PRIMPOL: variants seen among roughly 807,000 people sequenced by gnomAD.
The protein encoded by PRIMPOL is DNA-directed primase/polymerase protein.
A neutral mutation model predicts 63.6 loss-of-function variants in PRIMPOL; 54 were observed. That is an observed-to-expected ratio of 0.85 (90% CI 0.68 to 1.07). The LOEUF (loss-of-function observed/expected upper bound fraction) is 1.07. Ranked by LOEUF, PRIMPOL falls within the 50% of genes least tolerant of loss-of-function variation. The pLI, the probability that PRIMPOL is intolerant of heterozygous loss-of-function variation, is 0.00. For synonymous variants in PRIMPOL, 197 were observed against 220.2 expected, an observed-to-expected ratio of 0.89 and a Z score of 0.93; for missense variants, 610 against 648.3, an observed-to-expected ratio of 0.94 and a Z score of 0.64.
intron 11 of PRIMPOL, among the ~76,000 whole-genome samples, chr4:184,689,657 T>C (rs1757968677): frequency 6.6e-6 from 1 of 151,856 alleles, no homozygotes; most frequent in Admixed American, 6.6e-5. Context: ...GGTTTCACCA[T>C]GTTGGCCAGG....
At chr4:184,692,597 T>C (rs1355364126) in intron 13 of PRIMPOL, among the ~76,000 whole-genome samples, 1 of 151,908 alleles carries the variant, frequency 6.6e-6, no homozygotes, top group Non-Finnish European at 1.5e-5. Context: ...GGCACGTACC[T>C]TCGAGAATTT....
intron 8 of PRIMPOL, among the ~76,000 whole-genome samples, chr4:184,680,192 A>G (rs1437930231): frequency 5.2e-5 from 2 of 38,208 alleles, no homozygotes; most frequent in South Asian, 1.9e-3. Context: ...GCCTTTCTAA[A>G]TATAATTTTT....
intron 2 of PRIMPOL, among the ~76,000 whole-genome samples, chr4:184,655,375 G>T (rs1408378377): frequency 6.8e-6 from 1 of 147,738 alleles, no homozygotes; most frequent in Non-Finnish European, 1.5e-5. Context: ...CCAGGCTGGA[G>T]TGCAGTGGTG....
At chr4:184,683,205 C>T (rs1237329848) in intron 9 of PRIMPOL, among the ~76,000 whole-genome samples, 2 of 152,148 alleles carry the variant, frequency 1.3e-5, no homozygotes, top group Non-Finnish European at 2.9e-5. Context: ...CTGAGTCGGG[C>T]AGATAACCTG....
intron 1 of PRIMPOL, among the ~76,000 whole-genome samples, chr4:184,650,473 C>G (rs1245877914): frequency 2.9e-5 from 4 of 139,880 alleles, no homozygotes; most frequent in African/African-American, 7.7e-5. Flanking sequence ...TGTGTCCTTA[C>G]CTGGCTGGAT....
intron 11 of PRIMPOL, among the ~76,000 whole-genome samples, chr4:184,687,346 C>T (rs1019295940): frequency 3.3e-5 from 5 of 152,130 alleles, no homozygotes; most frequent in African/African-American, 1.2e-4. Flanking sequence ...GCTGGGATTA[C>T]AGGTGTGAGC....
chr4:184,650,790 G>C (rs1311126455), intron 1 of PRIMPOL, among the ~76,000 whole-genome samples: 1 of 152,202 alleles, frequency 6.6e-6, no homozygotes, highest in Non-Finnish European at 1.5e-5. Context: ...GGCAGAGCCT[G>C]TTTCTAACAC....
Position 184,694,513 on chromosome 4 carries a change from G to A in PRIMPOL, c.1426-9G>A. 2 of 1,608,514 alleles carry A rather than the reference G, an allele frequency of 1.2e-6. No individual in the cohort carries two copies. The highest frequency in any genetic ancestry group is 1.7e-6 in the Non-Finnish European group (2 of 1,175,964). On this transcript the variant is annotated splice_polypyrimidine_tract_variant and intron_variant, in intron 13 of 13. Coordinates refer to ENST00000314970, the MANE Select transcript of PRIMPOL (RefSeq NM_152683.4). ...TCCCACTCTCTATCCCTTCACCACT[G>A]AAATAAAGGAAGAAGAGTTTACAAC... is the stretch of plus-strand genomic sequence containing the variant.
intron 7 of PRIMPOL, among the ~76,000 whole-genome samples, chr4:184,673,648 C>A (rs1752525954): frequency 6.6e-6 from 1 of 151,984 alleles, no homozygotes; most frequent in Non-Finnish European, 1.5e-5. Context: ...TAGTCTCAAA[C>A]TCCTGACCTC....
chr4:184,680,780 T>TA (rs1458803887), intron 8 of PRIMPOL, among the ~76,000 whole-genome samples: 1 of 152,324 alleles, frequency 6.6e-6, no homozygotes, highest in East Asian at 1.9e-4. Flanking sequence ...ATAAAACATT[T>TA]ACAGCTGTGC....
At chr4:184,677,084 CCTCT>C (rs1359195843) in intron 7 of PRIMPOL, among the ~76,000 whole-genome samples, 1 of 132,760 alleles carries the variant, frequency 7.5e-6, no homozygotes, top group Non-Finnish European at 1.6e-5. Context: ...TCTATTTCCA[CCTCT>C]CTCTCTGTCT....
intron 4 of PRIMPOL, among the ~76,000 whole-genome samples, chr4:184,659,723 C>G (rs186619219): frequency 3.8e-4 from 58 of 152,308 alleles, no homozygotes; most frequent in Admixed American, 9.8e-4. Context: ...CTATTAATCA[C>G]AAAGGAATAT....
chr4:184,673,982 TATTACCAGAA>T (rs1215568008), intron 7 of PRIMPOL, among the ~76,000 whole-genome samples: 1 of 152,160 alleles, frequency 6.6e-6, no homozygotes, highest in African/African-American at 2.4e-5. Flanking sequence ...GGTTTTGCTT[TATTACCAGAA>T]TATCATCTCC....
intron 6 of PRIMPOL, among the ~76,000 whole-genome samples, chr4:184,671,625 A>G (rs78159823): frequency 0.029 from 4,444 of 152,214 alleles, 223 homozygotes; most frequent in African/African-American, 0.1. Flanking sequence ...TTTCCCTTCT[A>G]AGATAATTTG....
chr4:184,683,985 G>C (rs1756344807), intron 9 of PRIMPOL, among the ~76,000 whole-genome samples: 1 of 151,322 alleles, frequency 6.6e-6, no homozygotes. Flanking sequence ...TTTAAAATAT[G>C]GATAAATTTT....
At chr4:184,689,235 T>A (rs1388255233) in intron 11 of PRIMPOL, among the ~76,000 whole-genome samples, 1 of 151,344 alleles carries the variant, frequency 6.6e-6, no homozygotes, top group Non-Finnish European at 1.5e-5. Flanking sequence ...GGTTAATTTT[T>A]AAATTTTTTG....
intron 5 of PRIMPOL, among the ~76,000 whole-genome samples, chr4:184,665,144 C>G (rs948948470): frequency 1.3e-5 from 2 of 152,190 alleles, no homozygotes; most frequent in African/African-American, 4.8e-5. Flanking sequence ...GGGACTTGTC[C>G]TAAGGCTGCA....
intron 9 of PRIMPOL, 71 bp from the exon 10 acceptor site, chr4:184,685,338 C>T: frequency 8.7e-7 from 1 of 1,151,160 alleles, no homozygotes; most frequent in Non-Finnish European, 1.3e-6. Flanking sequence ...TTGTGCTCAA[C>T]AACATTTAAT....
intron 7 of PRIMPOL, among the ~76,000 whole-genome samples, chr4:184,673,634 A>G (rs1353349861): frequency 6.6e-6 from 1 of 151,510 alleles, no homozygotes; most frequent in Non-Finnish European, 1.5e-5. Flanking sequence ...CATGTTGGCC[A>G]GGCTAGTCTC....
Sources: gnomAD v4.1 joint callset for allele counts (sites outside exome capture counted in the v4.1 genomes callset) on GRCh38, gnomAD v4.1.1 for gene constraint, MANE v1.5 for transcripts, NCBI Gene and HGNC (gene_info 2026-07-23, HGNC 2026-07-21) for gene names.